Variants in NXNL2 observed in about 807,000 individuals in gnomAD.
The protein encoded by NXNL2 is nucleoredoxin like 2, also known as nucleoredoxin-like protein 2.
In NXNL2, 7 loss-of-function variants were observed where a neutral mutation model predicts 11.1. The observed-to-expected ratio is 0.63, with a 90% confidence interval of 0.36 to 1.18. The LOEUF is 1.18. Ranked by LOEUF, NXNL2 falls within the 50% of genes most tolerant of loss-of-function variation. NXNL2 has a pLI of 0.02. For synonymous variants in NXNL2, 109 were observed against 101.8 expected, an observed-to-expected ratio of 1.07 and a Z score of -0.42; for missense variants, 233 against 217.7, an observed-to-expected ratio of 1.07 and a Z score of -0.44.
chr9:88,546,731 T>A (rs1427540042), downstream of NXNL2, among the ~76,000 whole-genome samples: 1 of 152,044 alleles, frequency 6.6e-6, no homozygotes, highest in Admixed American at 6.6e-5. Flanking sequence ...TACTTTAATA[T>A]TATAACATCC....
At chr9:88,581,938 G>A (rs1255263310) in intron 1 of NXNL2, among the ~76,000 whole-genome samples, 1 of 152,280 alleles carries the variant, frequency 6.6e-6, no homozygotes. Flanking sequence ...ATTTGTGGCC[G>A]GTTCTGGTGG....
intron 1 of NXNL2, among the ~76,000 whole-genome samples, chr9:88,551,590 T>A (rs1829933264): frequency 6.6e-6 from 1 of 152,156 alleles, no homozygotes; most frequent in African/African-American, 2.4e-5. Context: ...ATATTAACCA[T>A]ATTTTTAAAA....
chr9:88,565,823 C>T (rs766065774), intron 1 of NXNL2, among the ~76,000 whole-genome samples: 4 of 152,166 alleles, frequency 2.6e-5, no homozygotes, highest in Admixed American at 2.6e-4. Context: ...AGGCATGAGC[C>T]ACCGTGCCCA....
intron 1 of NXNL2, among the ~76,000 whole-genome samples, chr9:88,559,625 T>C (rs542474282): frequency 8.9e-4 from 135 of 152,330 alleles, no homozygotes; most frequent in African/African-American, 3.2e-3. Flanking sequence ...GTCCCTGAGC[T>C]AGACTCTGAG....
downstream of NXNL2, among the ~76,000 whole-genome samples, chr9:88,577,679 T>C (rs1280949730): frequency 2.6e-5 from 4 of 152,148 alleles, no homozygotes; most frequent in Non-Finnish European, 5.9e-5. Flanking sequence ...CGTGCATCTG[T>C]TCCTCTTCTT....
At chr9:88,552,302 A>G (rs369671933) in intron 1 of NXNL2, among the ~76,000 whole-genome samples, 14 of 151,804 alleles carry the variant, frequency 9.2e-5, no homozygotes, top group Non-Finnish European at 2.1e-4. Context: ...CAATGGCTCT[A>G]TTAGGGAGTG....
intron 2 of NXNL2, among the ~76,000 whole-genome samples, chr9:88,573,295 C>T (rs1587856774): frequency 2.6e-5 from 4 of 152,128 alleles, no homozygotes; most frequent in Admixed American, 2.6e-4. Flanking sequence ...AGGTATGCAC[C>T]ACCATGCTCA....
At chr9:88,579,307 C>CG (rs1046897456), downstream of NXNL2, among the ~76,000 whole-genome samples, 1 of 152,174 alleles carries the variant, frequency 6.6e-6, no homozygotes, top group Non-Finnish European at 1.5e-5. Context: ...GCCTGAAGGA[C>CG]GGGGGGCTTC....
intron 1 of NXNL2, among the ~76,000 whole-genome samples, chr9:88,581,998 G>A (rs781621190): frequency 3.3e-5 from 5 of 152,082 alleles, no homozygotes; most frequent in African/African-American, 1.2e-4. Context: ...TATGGACTTC[G>A]GCTTCCTCTC....
At chr9:88,555,211 C>T (rs1047715306) in intron 1 of NXNL2, among the ~76,000 whole-genome samples, 6 of 152,078 alleles carry the variant, frequency 3.9e-5, no homozygotes, top group Admixed American at 2.0e-4. Flanking sequence ...AATAAAAGGG[C>T]GATTACTTCA....
chr9:88,574,265 G>A (rs1328061407), intron 2 of NXNL2, among the ~76,000 whole-genome samples: 1 of 152,188 alleles, frequency 6.6e-6, no homozygotes, highest in African/African-American at 2.4e-5. Flanking sequence ...GTACCATACT[G>A]TAAACCAAAG....
At position 88,535,187 on chromosome 9, in the gene NXNL2, T is replaced by G. The variant is rs909768354; in HGVS notation, c.-248T>G. The stretch of plus-strand genomic sequence containing the variant: ...GGCTGGCCCCGCTCCCAGAGGCGGG[T>G]GCCGCGCTGTCGCCCAGGTATCTGG... On this transcript the variant is annotated 5_prime_UTR_variant, in exon 1 of 2. Coordinates refer to ENST00000375854, the MANE Select transcript of NXNL2 (RefSeq NM_001161625.2). 5.9e-6 allele frequency: 3 copies of G among 509,348 alleles called. No homozygotes were observed. The highest frequency in any genetic ancestry group is 2.9e-5 in the South Asian group (1 of 33,996). 31.6% of individuals were successfully genotyped at this position (509,348 alleles called of 1,614,324 possible).
chr9:88,566,841 A>C (rs1011544338), intron 1 of NXNL2, among the ~76,000 whole-genome samples: 1 of 151,918 alleles, frequency 6.6e-6, no homozygotes, highest in Admixed American at 6.6e-5. Context: ...TAAGTATTTT[A>C]TTTCTTTTGA....
At chr9:88,548,102 G>GC (rs35792585), downstream of NXNL2, among the ~76,000 whole-genome samples, 17,352 of 150,978 alleles carry the variant, frequency 0.11, 2,392 homozygotes, top group East Asian at 0.76. Context: ...ACTTTGGGAG[G>GC]CCGAGGTGGG....
chr9:88,560,827 C>T (rs13292086), intron 1 of NXNL2, among the ~76,000 whole-genome samples: 18,076 of 152,194 alleles, frequency 0.12, 2,591 homozygotes, highest in East Asian at 0.78. Context: ...TTTCCAGCAT[C>T]ACAGTGTAGA....
At chr9:88,577,852 G>C (rs1830365408), downstream of NXNL2, among the ~76,000 whole-genome samples, 1 of 152,180 alleles carries the variant, frequency 6.6e-6, no homozygotes, top group African/African-American at 2.4e-5. Flanking sequence ...TCCATAACAA[G>C]AATCCTGGGT....
intron 1 of NXNL2, among the ~76,000 whole-genome samples, chr9:88,582,019 T>A (rs969166836): frequency 5.9e-5 from 9 of 152,152 alleles, no homozygotes; most frequent in African/African-American, 2.2e-4. Context: ...CTGTCACCAC[T>A]CCCCACCCCA....
intron 1 of NXNL2, among the ~76,000 whole-genome samples, chr9:88,559,202 C>T (rs1191416111): frequency 2.6e-5 from 4 of 152,138 alleles, no homozygotes; most frequent in African/African-American, 9.7e-5. Context: ...AGCTTGGTGC[C>T]TTTTCTCTGT....
chr9:88,553,218 C>T (rs1438846126), intron 1 of NXNL2, among the ~76,000 whole-genome samples: 3 of 152,168 alleles, frequency 2.0e-5, no homozygotes, highest in African/African-American at 4.8e-5. Flanking sequence ...TGGTGATGTG[C>T]GCCTGTAATC....
Sources: gnomAD v4.1 joint callset for allele counts (sites outside exome capture counted in the v4.1 genomes callset) on GRCh38, gnomAD v4.1.1 for gene constraint, MANE v1.5 for transcripts, NCBI Gene and HGNC (gene_info 2026-07-23, HGNC 2026-07-21) for gene names.